NELFB: variants seen among roughly 807,000 people sequenced by gnomAD.
NELFB encodes negative elongation factor complex member B.
A neutral mutation model predicts 60.2 loss-of-function variants in NELFB; 34 were observed. The observed-to-expected ratio is 0.56, with a 90% CI of 0.43 to 0.75. The LOEUF (loss-of-function observed/expected upper bound fraction) is 0.75, where lower values mean the gene tolerates loss of function less well. Ranked by LOEUF, NELFB falls within the 30% of genes least tolerant of loss-of-function variation. The pLI is 0.00. For synonymous variants in NELFB, 459 were observed against 382.1 expected, an observed-to-expected ratio of 1.20 and a Z score of -2.35; for missense variants, 770 against 831.6, an observed-to-expected ratio of 0.93 and a Z score of 0.91.
rs765711879 is a variant in NELFB at position 137,267,226 on chromosome 9, C to T, written c.1383-14C>T. The T allele has an allele frequency of 9.9e-6, 16 of 1,609,460 alleles. No homozygotes were observed. The highest frequency in any genetic ancestry group is 8.0e-5 in the African/African-American group (6 of 74,814). ...GGTGGGGCTGAGGTGGGGCTGATGG[C>T]GCCCCGGGCGCAGGTTTCTGCAGGA... On this transcript the variant is annotated splice_polypyrimidine_tract_variant and intron_variant, in intron 9 of 12. Transcript: ENST00000343053.
chr9:137,267,349 A>G lies in NELFB; in HGVS notation c.1489+3A>G. On this transcript the variant is annotated splice_donor_region_variant and intron_variant, in intron 10 of 12. Transcript: ENST00000343053. ...CCTCCGCCTGCTGCCCGGGCTGGGT[A>G]AGTCCTGACGGGCGGTGCCTGGCTG... is the stretch of plus-strand genomic sequence containing the variant. The G allele has an allele frequency of 6.2e-7, 1 of 1,602,794 alleles. No homozygotes were observed. Among genetic ancestry groups the G allele is most frequent in the Non-Finnish European group, 8.5e-7 (1 of 1,174,980 alleles).
In NELFB at chr9:137,269,531, C is replaced by T. The variant is rs898053461; in HGVS notation, c.1489+2185C>T. ...TTCTGTCTACCGTGGACCACATATA[C>T]GACCACGCGGTCACATAAGCTGACA... On this transcript the variant is annotated intron_variant, in intron 10 of 12. Transcript: ENST00000343053. The surrounding 1 kb of genome is among the most constrained non-coding windows in gnomAD (Gnocchi z 5.3). Among the ~76,000 whole-genome samples the T allele has an allele frequency of 1.3e-5, 2 of 152,212 alleles. No individual in the cohort carries two copies. The highest frequency in any genetic ancestry group is 2.9e-5 in the Non-Finnish European group (2 of 68,032).
At chr9:137,265,061 C>T (rs532021601) in intron 6 of NELFB, among the ~76,000 whole-genome samples, 5 of 119,366 alleles carry the variant, frequency 4.2e-5, no homozygotes, top group Non-Finnish European at 6.6e-5. Context: ...TTTTCTGAGA[C>T]AGGGTCTCTG....
chr9:137,256,395 C>T lies in NELFB; in HGVS notation c.477C>T (p.Pro159=), dbSNP rs140521390. The change falls in exon 3 of 13, where the codon CCC becomes CCT. Residue 159 remains proline, a synonymous_variant. Transcript: ENST00000343053. ...TGGTGAAGATGCCGTCCCTGCAGCC[C>T]GTGGTGATGTGCGTCATGAAGCACC... 25 of 1,613,950 alleles carry T rather than the reference C, an allele frequency of 1.5e-5. No individual in the cohort carries two copies. Among genetic ancestry groups the T allele is most frequent in the Middle Eastern group, 1.7e-4 (1 of 5,954 alleles).
In NELFB at chr9:137,272,973, G is replaced by A. The variant is rs919413791; in HGVS notation, c.*45G>A. 52 of 1,464,226 alleles carry A rather than the reference G, an allele frequency of 3.6e-5. No individual in the cohort carries two copies. Among genetic ancestry groups the A allele is most frequent in the Non-Finnish European group, 4.4e-5 (49 of 1,104,240 alleles). 90.7% of individuals were successfully genotyped at this position (1,464,226 alleles called of 1,614,324 possible). A position where few individuals can be genotyped will look rare whatever the true frequency, so the allele number is the denominator to read the frequency against. ...GGGTGCTGGGGCCATGCCGAGTCGCGGCCCTGCTCAGCCGGAAGAGGCTCC... is the reference window on the plus strand; with the variant it reads ...GGGTGCTGGGGCCATGCCGAGTCGCAGCCCTGCTCAGCCGGAAGAGGCTCC... On this transcript the variant is annotated 3_prime_UTR_variant, in exon 13 of 13. Coordinates refer to ENST00000343053, the MANE Select transcript of NELFB (RefSeq NM_015456.5).
At chr9:137,271,564 G>A (rs935170077) in intron 10 of NELFB, among the ~76,000 whole-genome samples, 37 of 152,372 alleles carry the variant, frequency 2.4e-4, no homozygotes, top group African/African-American at 8.2e-4. Flanking sequence ...TCTTTGTTGT[G>A]TTTTGGTGTC....
At chr9:137,272,351 C>G (rs994034973) in intron 11 of NELFB, 129 bp downstream of exon 11, 4 of 1,487,068 alleles carry the variant, frequency 2.7e-6, no homozygotes, top group Non-Finnish European at 2.7e-6. Context: ...CACCAGGGCT[C>G]GCATGTGGCC....
Position 137,273,079 on chromosome 9 carries a change from C to A in NELFB, c.*151C>A. 1.2e-6 allele frequency: 1 copy of A among 857,604 alleles called. No individual in the cohort carries two copies. The highest frequency in any genetic ancestry group is 1.7e-6 in the Non-Finnish European group (1 of 591,874). 53.1% of individuals were successfully genotyped at this position (857,604 alleles called of 1,614,324 possible). A position where few individuals can be genotyped will look rare whatever the true frequency, so the allele number is the denominator to read the frequency against. On this transcript the variant is annotated 3_prime_UTR_variant, in exon 13 of 13. Transcript: ENST00000343053. The stretch of plus-strand genomic sequence containing the variant: ...TGCCGTCATGGCCCCCTGCTTCCTG[C>A]TCCTTGGAGCTGGCTCCCGGACCTT...
intron 11 of NELFB, 133 bp from the exon 12 acceptor site, chr9:137,272,374 T>A: frequency 1.4e-6 from 2 of 1,446,864 alleles, no homozygotes; most frequent in Non-Finnish European, 9.4e-7. Context: ...GCAGGGTGCC[T>A]GGGCACAGCT....
chr9:137,260,599 C>G (rs1440856628), intron 4 of NELFB, among the ~76,000 whole-genome samples: 2 of 151,198 alleles, frequency 1.3e-5, no homozygotes, highest in Non-Finnish European at 3.0e-5. Context: ...ATTACAGGCA[C>G]CCACCACCAC....
chr9:137,263,801 C>A (rs920788193), intron 5 of NELFB, among the ~76,000 whole-genome samples: 2 of 152,142 alleles, frequency 1.3e-5, no homozygotes, highest in Non-Finnish European at 2.9e-5. Flanking sequence ...CAGCTTCCTC[C>A]CATCTTTCCA....
chr9:137,264,983 G>A (rs1830499997), intron 6 of NELFB, among the ~76,000 whole-genome samples: 1 of 150,042 alleles, frequency 6.7e-6, no homozygotes, highest in Non-Finnish European at 1.5e-5. Flanking sequence ...TCTGGCTGGT[G>A]TATAGACACA....
chr9:137,263,017 G>T lies in NELFB; in HGVS notation c.742-20G>T. 6.2e-7 allele frequency: 1 copy of T among 1,607,346 alleles called. No individual in the cohort carries two copies. The highest frequency in any genetic ancestry group is 1.1e-5 in the South Asian group (1 of 90,930). ...GGAGCCCAGGACGGTCTGGGGGCCT[G>T]ACAGTGCCTCTTGCTGCAGGTGGTG... On this transcript the variant is annotated intron_variant, in intron 4 of 12. Transcript: ENST00000343053.
Position 137,273,110 on chromosome 9 carries a change from C to A in NELFB, c.*182C>A. Reference sequence around the variant, plus strand: ...GGAGCTGGCTCCCGGACCTTGCCCACCATCCATGCAGTGGCTCCCAGGGCA... The same window carrying A: ...GGAGCTGGCTCCCGGACCTTGCCCAACATCCATGCAGTGGCTCCCAGGGCA... On this transcript the variant is annotated 3_prime_UTR_variant, in exon 13 of 13. Coordinates refer to ENST00000343053, the MANE Select transcript of NELFB (RefSeq NM_015456.5). 1.6e-6 allele frequency: 1 copy of A among 607,002 alleles called. No homozygotes were observed. The highest frequency in any genetic ancestry group is 2.7e-6 in the Non-Finnish European group (1 of 371,580). 37.6% of individuals were successfully genotyped at this position (607,002 alleles called of 1,614,324 possible).
intron 1 of NELFB, 140 bp downstream of exon 1, chr9:137,255,751 C>CGTG: frequency 1.4e-6 from 2 of 1,447,450 alleles, no homozygotes; most frequent in Non-Finnish European, 1.9e-6. Flanking sequence ...AGTCCGGAGC[C>CGTG]AGCACCCCTT....
chr9:137,256,990 G>A lies in NELFB; in HGVS notation c.677G>A (p.Ser226Asn). Residue 226 changes from serine to asparagine, a missense_variant, in exon 4 of 13, where the codon AGT becomes AAT. Coordinates refer to ENST00000343053, the MANE Select transcript of NELFB (RefSeq NM_015456.5). ...CTGGAGAAGGAGAGCGCTCTCTTCA[G>A]TACAGAGCTCTCTGTCCTGCACAAC... The A allele has an allele frequency of 6.2e-7, 1 of 1,614,064 alleles. No individual in the cohort carries two copies. Among genetic ancestry groups the A allele is most frequent in the Non-Finnish European group, 8.5e-7 (1 of 1,180,038 alleles).
At chr9:137,261,483 C>T (rs1830446431) in intron 4 of NELFB, among the ~76,000 whole-genome samples, 2 of 151,478 alleles carry the variant, frequency 1.3e-5, no homozygotes, top group Non-Finnish European at 2.9e-5. Flanking sequence ...CATGGTGAAA[C>T]CCCGTCTCTA....
Position 137,261,225 on chromosome 9 carries a change from A to T in NELFB, c.742-1812A>T, listed in dbSNP as rs182723256. Among the ~76,000 whole-genome samples, 620 of 151,920 alleles carry T rather than the reference A, an allele frequency of 4.1e-3. 4 individuals are homozygous for T. Among genetic ancestry groups the T allele is most frequent in the African/African-American group, 0.014 (590 of 41,378 alleles). On this transcript the variant is annotated intron_variant, in intron 4 of 12. Transcript: ENST00000343053. ...CGTGGTGGTGGGTGCCTGTAGTCCC[A>T]GCTGCTCGGGAGGCCGAGGCAGGAG...
In NELFB at chr9:137,272,788, G is replaced by C; in HGVS notation, c.1747G>C (p.Glu583Gln). ...ATGGTGTGGTTCCCCGCAGAGCGGAGAGGCAGTGAAGGAGCTTTACTCCCA... is the reference window on the plus strand; with the variant it reads ...ATGGTGTGGTTCCCCGCAGAGCGGACAGGCAGTGAAGGAGCTTTACTCCCA... Residue 583 changes from glutamate to glutamine, a missense_variant, in exon 13 of 13, where the codon GAG (glutamate) becomes CAG (glutamine). Physicochemically the swap from Glu to Gln is conservative, Grantham distance 29. Coordinates refer to ENST00000343053, the MANE Select transcript of NELFB (RefSeq NM_015456.5). 1 of 1,547,770 alleles carries C rather than the reference G, an allele frequency of 6.5e-7. No individual in the cohort carries two copies. Among genetic ancestry groups the C allele is most frequent in the Non-Finnish European group, 8.7e-7 (1 of 1,145,178 alleles).
Sources: allele counts gnomAD v4.1 joint callset (sites outside exome capture counted in the v4.1 genomes callset), GRCh38; gene constraint gnomAD v4.1.1; non-coding constraint Gnocchi (gnomAD v3.1); transcripts MANE v1.5; gene names NCBI Gene and HGNC (gene_info 2026-07-23, HGNC 2026-07-21).